Variants in ADAM18 observed in about 807,000 individuals in gnomAD.
ADAM18 encodes ADAM metallopeptidase domain 18.
A neutral mutation model predicts 94.4 loss-of-function variants in ADAM18; 117 were observed. The observed-to-expected ratio is 1.24, with a 90% CI of 1.07 to 1.45. The LOEUF is 1.45. Among genes scored for constraint, ADAM18 ranks in the 40% most tolerant of loss-of-function variants. The probability of loss-of-function intolerance (pLI) is 0.00; values close to 1 mark genes in which losing one functional copy is unlikely to be tolerated. For missense variants in ADAM18, 936 were observed against 880.0 expected, an observed-to-expected ratio of 1.06 and a Z score of -0.81; for synonymous variants, 327 against 291.6, an observed-to-expected ratio of 1.12 and a Z score of -1.24.
intron 18 of ADAM18, among the ~76,000 whole-genome samples, chr8:39,721,522 G>C (rs1822747573): frequency 6.6e-6 from 1 of 151,310 alleles, no homozygotes; most frequent in South Asian, 2.1e-4. Context: ...TATCAACAAA[G>C]TACTGTTATC....
chr8:39,689,572 T>TA (rs1421622136), intron 16 of ADAM18, among the ~76,000 whole-genome samples: 1 of 152,222 alleles, frequency 6.6e-6, no homozygotes, highest in Non-Finnish European at 1.5e-5. Context: ...TTTGAATCAG[T>TA]ACCATGCTGT....
intron 7 of ADAM18, among the ~76,000 whole-genome samples, chr8:39,633,795 A>G (rs1819998488): frequency 6.6e-6 from 1 of 151,304 alleles, no homozygotes; most frequent in Non-Finnish European, 1.5e-5. Context: ...TGGAAGAAGA[A>G]TGTAAAGATT....
rs561276766 is a variant in ADAM18, at chr8:39,601,461, T to G, written c.133-4846T>G. On this transcript the variant is annotated intron_variant, in intron 2 of 19. Coordinates refer to ENST00000265707, the MANE Select transcript of ADAM18 (RefSeq NM_014237.3). Reference sequence around the variant, plus strand: ...TGAGGAATTGACACTTTTATCATTATGAAATGTTTCTGCTTATTCCTAATA... The same window carrying G: ...TGAGGAATTGACACTTTTATCATTAGGAAATGTTTCTGCTTATTCCTAATA... Among the ~76,000 whole-genome samples, 4 of 152,372 alleles carry G rather than the reference T, an allele frequency of 2.6e-5. No homozygotes were observed. The South Asian group carries it at 8.3e-4, about 32-fold the overall frequency.
At chr8:39,690,821 A>C (rs1821753177) in intron 16 of ADAM18, among the ~76,000 whole-genome samples, 1 of 152,210 alleles carries the variant, frequency 6.6e-6, no homozygotes. Flanking sequence ...AACTTAAAAC[A>C]ATTACCATTT....
At chr8:39,585,551 T>C (rs1818372796) in intron 2 of ADAM18, among the ~76,000 whole-genome samples, 199 bp downstream of exon 2, 1 of 152,206 alleles carries the variant, frequency 6.6e-6, no homozygotes, top group African/African-American at 2.4e-5. Context: ...TCTCTTCATC[T>C]CTTCTTAACA....
chr8:39,635,468 A>T (rs1039936490), intron 7 of ADAM18, among the ~76,000 whole-genome samples: 8 of 152,186 alleles, frequency 5.3e-5, no homozygotes, highest in East Asian at 1.9e-4. Context: ...TTAGACTTAC[A>T]TGAAAGTTAA....
intron 12 of ADAM18, 129 bp from the exon 13 acceptor site, chr8:39,663,666 G>T: frequency 2.3e-6 from 1 of 430,460 alleles, no homozygotes; most frequent in Non-Finnish European, 4.1e-6. Context: ...CAGCTTCATT[G>T]GAATTATACA....
intron 13 of ADAM18, 102 bp from the exon 14 acceptor site, chr8:39,667,896 A>C: frequency 8.1e-7 from 1 of 1,231,456 alleles, no homozygotes; most frequent in Non-Finnish European, 1.1e-6. Flanking sequence ...GTGTTCCCTC[A>C]AATATCAATA....
chr8:39,588,222 G>C (rs1818463310), intron 2 of ADAM18, among the ~76,000 whole-genome samples: 1 of 140,862 alleles, frequency 7.1e-6, no homozygotes, highest in Non-Finnish European at 1.6e-5. Flanking sequence ...TTGTTTGTGG[G>C]TGTGGGTTTT....
chr8:39,605,928 T>G (rs1320853022), intron 2 of ADAM18, among the ~76,000 whole-genome samples: 1 of 152,128 alleles, frequency 6.6e-6, no homozygotes, highest in Non-Finnish European at 1.5e-5. Flanking sequence ...ATAGCTTAGT[T>G]CCCACTTATG....
chr8:39,599,917 C>T (rs913185943), intron 2 of ADAM18, among the ~76,000 whole-genome samples: 1 of 151,054 alleles, frequency 6.6e-6, no homozygotes, highest in Non-Finnish European at 1.5e-5. Flanking sequence ...TATTCCTTTT[C>T]CTTGTGGTAT....
intron 7 of ADAM18, among the ~76,000 whole-genome samples, chr8:39,635,668 T>C (rs1820056977): frequency 6.6e-6 from 1 of 152,172 alleles, no homozygotes. Context: ...TCCATTGAGT[T>C]GACATGTTTC....
rs573429058 is a variant in ADAM18 at position 39,638,229 on chromosome 8, T to A, written c.828-236T>A. 4.6e-5 allele frequency among the ~76,000 whole-genome samples: 7 copies of A among 151,608 alleles called. No homozygotes were observed. The South Asian group carries it at 1.3e-3, about 27-fold the overall frequency. ...ATAAAATTATATCCATTTTAGGAGA[T>A]ATACAAGGAAATTACATTGGTATTA... is the stretch of plus-strand genomic sequence containing the variant. On this transcript the variant is annotated intron_variant, in intron 9 of 19. Transcript: ENST00000265707.
chr8:39,651,108 CTTTTGATGTGT>C (rs1045182834), intron 12 of ADAM18, among the ~76,000 whole-genome samples: 8 of 152,202 alleles, frequency 5.3e-5, no homozygotes, highest in Non-Finnish European at 1.0e-4. Flanking sequence ...AAGTGCTGTG[CTTTTGATGTGT>C]ATATACATAA....
chr8:39,681,978 T>A (rs1237737787), intron 16 of ADAM18, among the ~76,000 whole-genome samples: 1 of 152,128 alleles, frequency 6.6e-6, no homozygotes, highest in East Asian at 1.9e-4. Flanking sequence ...TCTTAACTTC[T>A]CCAGACAGCA....
At chr8:39,606,675 CAT>C (rs1163257789) in intron 3 of ADAM18, among the ~76,000 whole-genome samples, 3 of 152,080 alleles carry the variant, frequency 2.0e-5, no homozygotes, top group South Asian at 2.1e-4. Context: ...TGAAATCAAA[CAT>C]AGTTATGTCA....
chr8:39,674,892 G>A (rs900077640), intron 14 of ADAM18, among the ~76,000 whole-genome samples: 6 of 152,114 alleles, frequency 3.9e-5, no homozygotes, highest in African/African-American at 1.4e-4. Context: ...AGCTTAGTTC[G>A]GCTGGATATG....
At position 39,704,253 on chromosome 8, in the gene ADAM18, A is replaced by G. The variant is rs554604138; in HGVS notation, c.1903-2537A>G. ...ACCAAAATCTGGCAGACACACAACA[A>G]AAAATTAAAATTTTAGGCCTATATC... is the stretch of plus-strand genomic sequence containing the variant. On this transcript the variant is annotated intron_variant, in intron 17 of 19. Transcript: ENST00000265707. Among the ~76,000 whole-genome samples the G allele has an allele frequency of 1.4e-4, 21 of 152,242 alleles. 1 individual carries two copies. The South Asian group carries it at 4.1e-3, about 30-fold the overall frequency.
chr8:39,688,375 C>T (rs1207603608), intron 16 of ADAM18, among the ~76,000 whole-genome samples: 1 of 152,098 alleles, frequency 6.6e-6, no homozygotes, highest in Non-Finnish European at 1.5e-5. Flanking sequence ...CTGAACTTCT[C>T]CCTCCTCCCA....
Sources: allele counts gnomAD v4.1 joint callset (sites outside exome capture counted in the v4.1 genomes callset), GRCh38; gene constraint gnomAD v4.1.1; transcripts MANE v1.5; gene names NCBI Gene and HGNC (gene_info 2026-07-23, HGNC 2026-07-21).